The following UNC5C variants were observed in gnomAD, a reference collection of about 807,000 sequenced individuals.
UNC5C encodes netrin receptor UNC5C.
A neutral mutation model predicts 99.8 loss-of-function variants in UNC5C; 47 were observed. The observed-to-expected ratio is 0.47, with a 90% CI of 0.37 to 0.60. UNC5C has a LOEUF of 0.60. Ranked by LOEUF, UNC5C falls within the 20% of genes least tolerant of loss-of-function variation. The pLI is 0.00. For missense variants in UNC5C, 1,062 were observed against 1,165.9 expected, an observed-to-expected ratio of 0.91 and a Z score of 1.30; for synonymous variants, 487 against 452.2, an observed-to-expected ratio of 1.08 and a Z score of -0.98.
intron 1 of UNC5C, among the ~76,000 whole-genome samples, chr4:95,374,049 C>T (rs770810995): frequency 4.6e-5 from 7 of 152,030 alleles, no homozygotes; most frequent in Non-Finnish European, 8.8e-5. Flanking sequence ...ACAAAAAACT[C>T]GGGGAGCACG....
intron 1 of UNC5C, among the ~76,000 whole-genome samples, chr4:95,486,373 T>C (rs893826597): frequency 2.8e-5 from 4 of 141,276 alleles, no homozygotes; most frequent in Non-Finnish European, 3.2e-5. Context: ...CACAATCCCT[T>C]CACTTTCTAA....
chr4:95,346,128 G>T (rs1743762745), intron 1 of UNC5C, among the ~76,000 whole-genome samples: 1 of 151,792 alleles, frequency 6.6e-6, no homozygotes, highest in Non-Finnish European at 1.5e-5. Flanking sequence ...GAAATTCAAA[G>T]GATCATTGGA....
chr4:95,542,858 C>A (rs7685968), intron 1 of UNC5C, among the ~76,000 whole-genome samples: 44,665 of 151,742 alleles, frequency 0.29, 6,866 homozygotes, highest in Middle Eastern at 0.43. Context: ...TAAAAGTGTT[C>A]CTATAAAATG....
chr4:95,543,233 C>A (rs530193911), intron 1 of UNC5C, among the ~76,000 whole-genome samples: 15 of 151,994 alleles, frequency 9.9e-5, no homozygotes, highest in South Asian at 4.2e-4. Flanking sequence ...GAACCAGAAC[C>A]AATAATAGAA....
chr4:95,402,070 G>C (rs1745717774), intron 1 of UNC5C, among the ~76,000 whole-genome samples: 1 of 152,120 alleles, frequency 6.6e-6, no homozygotes, highest in South Asian at 2.1e-4. Flanking sequence ...TCTAAAAGCT[G>C]TTTCTAAAGA....
intron 9 of UNC5C, among the ~76,000 whole-genome samples, chr4:95,216,529 A>G (rs1048035502): frequency 1.3e-5 from 2 of 151,696 alleles, no homozygotes; most frequent in African/African-American, 4.8e-5. Flanking sequence ...AACAGCTGTA[A>G]TGATGCATCA....
chr4:95,207,989 G>C (rs1323490253), intron 10 of UNC5C, among the ~76,000 whole-genome samples: 1 of 152,084 alleles, frequency 6.6e-6, no homozygotes, highest in Non-Finnish European at 1.5e-5. Flanking sequence ...CTTTATTACA[G>C]ACCAAACAAC....
At chr4:95,324,269 G>A (rs1381868495) in intron 2 of UNC5C, among the ~76,000 whole-genome samples, 1 of 152,068 alleles carries the variant, frequency 6.6e-6, no homozygotes, top group East Asian at 1.9e-4. Flanking sequence ...ATTGTGAACT[G>A]CACATGCAAG....
intron 13 of UNC5C, 82 bp from the exon 14 acceptor site, chr4:95,183,143 G>T: frequency 7.2e-7 from 1 of 1,381,524 alleles, no homozygotes; most frequent in Non-Finnish European, 1.0e-6. Context: ...CAGGTACTCT[G>T]AGTATCACAC....
chr4:95,521,499 T>C (rs1722357041), intron 1 of UNC5C, among the ~76,000 whole-genome samples: 1 of 152,110 alleles, frequency 6.6e-6, no homozygotes, highest in African/African-American at 2.4e-5. Context: ...ATTACAGGCA[T>C]GAGCCTCCAC....
At chr4:95,192,323 A>AT (rs1737168886) in intron 12 of UNC5C, among the ~76,000 whole-genome samples, 2 of 36,694 alleles carry the variant, frequency 5.5e-5, no homozygotes, top group East Asian at 6.6e-4. Flanking sequence ...TCCCCTGCTC[A>AT]CCTCCTCCCC....
chr4:95,227,402 C>A (rs369166407), intron 7 of UNC5C, among the ~76,000 whole-genome samples: 15 of 152,258 alleles, frequency 9.9e-5, no homozygotes, highest in African/African-American at 3.6e-4. Flanking sequence ...ATCCTCCCAC[C>A]TTGGCTTCCC....
chr4:95,534,018 A>T (rs989027357), intron 1 of UNC5C, among the ~76,000 whole-genome samples: 44 of 152,194 alleles, frequency 2.9e-4, no homozygotes, highest in African/African-American at 9.4e-4. Flanking sequence ...TCCTATAAAG[A>T]TAAAACATTT....
At chr4:95,518,714 A>G (rs996870497) in intron 1 of UNC5C, among the ~76,000 whole-genome samples, 4 of 152,230 alleles carry the variant, frequency 2.6e-5, no homozygotes, top group Admixed American at 2.6e-4. Flanking sequence ...GAAGCAATCA[A>G]ACAAGATCTA....
In UNC5C at chr4:95,360,574, T is replaced by C. The variant is rs531316546; in HGVS notation, c.125-24943A>G. ...TGTTTAGCCACCTTTCACTGTTCCT[T>C]ATGAGCCAGAAATCTTAAATTGCAT... On this transcript the variant is annotated intron_variant, in intron 1 of 15. Transcript: ENST00000453304. Among the ~76,000 whole-genome samples the C allele has an allele frequency of 1.1e-4, 16 of 152,344 alleles. No individual in the cohort carries two copies. In the South Asian group the frequency reaches 2.7e-3, roughly 26 times the overall value.
At chr4:95,460,267 T>C (rs1317347496) in intron 1 of UNC5C, among the ~76,000 whole-genome samples, 1 of 151,026 alleles carries the variant, frequency 6.6e-6, no homozygotes, top group Admixed American at 6.6e-5. Flanking sequence ...TCCATGTATA[T>C]GTATGAATTC....
chr4:95,309,107 G>A (rs992936941), intron 2 of UNC5C, among the ~76,000 whole-genome samples: 14 of 152,020 alleles, frequency 9.2e-5, no homozygotes, highest in African/African-American at 3.4e-4. Context: ...GAACAAAATA[G>A]CTCGCCCAGA....
intron 1 of UNC5C, among the ~76,000 whole-genome samples, chr4:95,545,095 AG>A (rs1423834864): frequency 6.6e-6 from 1 of 152,144 alleles, no homozygotes. Flanking sequence ...TCATGTCCTT[AG>A]GGGGGGTTGC....
At chr4:95,250,704 A>T (rs1466293401) in intron 4 of UNC5C, 37 bp from the exon 5 acceptor site, 2 of 1,598,406 alleles carry the variant, frequency 1.3e-6, no homozygotes, top group Non-Finnish European at 1.7e-6. Context: ...AATCCTCAGC[A>T]TGGATCCCCT....
Sources: gnomAD v4.1 joint callset for allele counts (sites outside exome capture counted in the v4.1 genomes callset) on GRCh38, gnomAD v4.1.1 for gene constraint, MANE v1.5 for transcripts, NCBI Gene and HGNC (gene_info 2026-07-23, HGNC 2026-07-21) for gene names.